The following PPP1R21 variants were observed in gnomAD, a reference collection of about 807,000 sequenced individuals.
The protein encoded by PPP1R21 is protein phosphatase 1 regulatory subunit 21, also known as KLRAQ motif containing 1.
Under a neutral mutation model 112.8 loss-of-function variants are expected in PPP1R21, and 85 were observed. The observed-to-expected ratio is 0.75, with a 90% CI of 0.63 to 0.90. The LOEUF is 0.90. Ranked by LOEUF, PPP1R21 falls within the 40% of genes least tolerant of loss-of-function variation. The pLI is 0.00. For missense variants in PPP1R21, 1,199 were observed against 901.5 expected, an observed-to-expected ratio of 1.33 and a Z score of -4.23; for synonymous variants, 381 against 322.3, an observed-to-expected ratio of 1.18 and a Z score of -1.95.
At chr2:48,465,130 T>G (rs1451452853) in intron 8 of PPP1R21, 141 bp downstream of exon 8, 1 of 708,360 alleles carries the variant, frequency 1.4e-6, no homozygotes, top group Non-Finnish European at 2.3e-6. Flanking sequence ...TCTCATACAT[T>G]TATTCAAATG....
At chr2:48,506,522 TATAG>T (rs1238374274) in intron 18 of PPP1R21, among the ~76,000 whole-genome samples, 1 of 152,248 alleles carries the variant, frequency 6.6e-6, no homozygotes, top group African/African-American at 2.4e-5. Context: ...ATTCTTGTAA[TATAG>T]ATAATCATGA....
intron 12 of PPP1R21, among the ~76,000 whole-genome samples, chr2:48,478,753 A>G (rs80264308): frequency 0.092 from 13,999 of 152,254 alleles, 719 homozygotes; most frequent in Non-Finnish European, 0.11. Context: ...GGCAGCCCAC[A>G]GTTTAACTTA....
chr2:48,481,763 A>T (rs897411229), intron 13 of PPP1R21, among the ~76,000 whole-genome samples: 1 of 152,210 alleles, frequency 6.6e-6, no homozygotes, highest in African/African-American at 2.4e-5. Context: ...ATGCTAATAC[A>T]GGTTGAGCAT....
At chr2:48,463,997 C>T (rs1668094945) in intron 7 of PPP1R21, among the ~76,000 whole-genome samples, 1 of 152,152 alleles carries the variant, frequency 6.6e-6, no homozygotes, top group East Asian at 1.9e-4. Context: ...AGGCACACGG[C>T]AATGAAATTG....
intron 17 of PPP1R21, among the ~76,000 whole-genome samples, chr2:48,504,265 C>T (rs1670269075): frequency 6.6e-6 from 1 of 152,158 alleles, no homozygotes; most frequent in Non-Finnish European, 1.5e-5. Flanking sequence ...GCCAGGTGGG[C>T]ATAACATTCA....
chr2:48,484,607 CTT>C, intron 13 of PPP1R21, among the ~76,000 whole-genome samples: 1 of 149,780 alleles, frequency 6.7e-6, no homozygotes, highest in Non-Finnish European at 1.5e-5. Flanking sequence ...ACCTCCCACT[CTT>C]GGGTTTAAGC....
chr2:48,445,842 A>G (rs1667222716), intron 1 of PPP1R21, among the ~76,000 whole-genome samples: 2 of 152,234 alleles, frequency 1.3e-5, no homozygotes, highest in African/African-American at 4.8e-5. Flanking sequence ...CTGGGATAGC[A>G]ACAAGTAAGT....
chr2:48,480,263 A>G (rs1453578470), intron 13 of PPP1R21, among the ~76,000 whole-genome samples: 1 of 152,226 alleles, frequency 6.6e-6, no homozygotes, highest in Non-Finnish European at 1.5e-5. Context: ...TTAGCCAGAA[A>G]TACGTTACAC....
At position 48,509,844 on chromosome 2, in the gene PPP1R21, T is replaced by C. The variant is rs7589049; in HGVS notation, c.2086-171T>C. On this transcript the variant is annotated intron_variant, in intron 19 of 21. Transcript: ENST00000294952. ...AATGACAAAGCTGGGGGCCACTTCTTTCTTAGGTGTACTCTGATGTGTGAC... is the reference window on the plus strand; with the variant it reads ...AATGACAAAGCTGGGGGCCACTTCTCTCTTAGGTGTACTCTGATGTGTGAC... 1.4e-3 allele frequency among the ~76,000 whole-genome samples: 218 copies of C among 152,368 alleles called. 5 individuals are homozygous for C. Among genetic ancestry groups the C allele is most frequent in the African/African-American group, 4.8e-3 (201 of 41,594 alleles).
At chr2:48,476,784 CAGTT>C (rs1668774033) in intron 12 of PPP1R21, among the ~76,000 whole-genome samples, 1 of 152,058 alleles carries the variant, frequency 6.6e-6, no homozygotes, top group African/African-American at 2.4e-5. Context: ...CTCCATTTTT[CAGTT>C]AGGTTGTCTG....
In PPP1R21 at chr2:48,514,753, T is replaced by C. The variant is rs199740179; in HGVS notation, c.*9T>C. 3 of 1,612,828 alleles carry C rather than the reference T, an allele frequency of 1.9e-6. No homozygotes were observed. The highest frequency in any genetic ancestry group is 1.3e-5 in the African/African-American group (1 of 75,032). On this transcript the variant is annotated 3_prime_UTR_variant, in exon 22 of 22. Transcript: ENST00000294952. ...AGAACAAGAGTCGATAGTTTTGAAA[T>C]AGCTGGTTGGCGACTGTTCTTTCCA...
intron 7 of PPP1R21, among the ~76,000 whole-genome samples, chr2:48,463,345 T>C (rs1049838029): frequency 1.3e-5 from 2 of 152,248 alleles, no homozygotes; most frequent in South Asian, 2.1e-4. Flanking sequence ...TGCGCATTGC[T>C]GTGGAGAGGT....
At position 48,451,063 on chromosome 2, in the gene PPP1R21, C is replaced by G; in HGVS notation, c.113C>G (p.Ser38Cys). 1.2e-6 allele frequency: 2 copies of G among 1,613,440 alleles called. No individual in the cohort carries two copies. The highest frequency in any genetic ancestry group is 1.7e-6 in the Non-Finnish European group (2 of 1,179,466). The stretch of plus-strand genomic sequence containing the variant: ...GGTGTTGTGGATGAACAAGCAAATT[C>G]TGCAGCTTTAAAGGTGGGCAACAGG... ...KKGVVDEQAN[S>C]AALKEQLKMK... The change falls in exon 2 of 22, where the codon TCT becomes TGT. Residue 38 changes from serine to cysteine, a missense_variant. By Grantham distance (112) the Ser-to-Cys change is moderately radical. Coordinates refer to ENST00000294952, the MANE Select transcript of PPP1R21 (RefSeq NM_001135629.3).
intron 2 of PPP1R21, among the ~76,000 whole-genome samples, chr2:48,451,863 C>T (rs1014942312): frequency 2.6e-5 from 4 of 152,168 alleles, no homozygotes; most frequent in African/African-American, 7.2e-5. Context: ...AGTAATATGT[C>T]TGAGGTGGCT....
intron 9 of PPP1R21, among the ~76,000 whole-genome samples, chr2:48,468,825 A>ATGTGTGTGTGTG (rs757951323): frequency 4.6e-5 from 2 of 43,906 alleles, no homozygotes; most frequent in Non-Finnish European, 5.0e-5. Flanking sequence ...AAGAAAAAAA[A>ATGTGTGTGTGTG]TGTATGTGTG....
chr2:48,498,069 A>G (rs528650171), intron 16 of PPP1R21, among the ~76,000 whole-genome samples: 165 of 152,002 alleles, frequency 1.1e-3, no homozygotes, highest in African/African-American at 3.6e-3. Context: ...GTGGCATTGC[A>G]TACCTTTTAA....
intron 1 of PPP1R21, among the ~76,000 whole-genome samples, chr2:48,444,039 A>AG (rs1000359293): frequency 2.0e-5 from 3 of 151,772 alleles, no homozygotes; most frequent in African/African-American, 7.3e-5. Context: ...TTGAAAAGGA[A>AG]GAAAAAAAAA....
chr2:48,469,373 TATATAGC>T, intron 9 of PPP1R21, among the ~76,000 whole-genome samples: 1 of 55,928 alleles, frequency 1.8e-5, no homozygotes, highest in South Asian at 5.2e-4. Context: ...AGCATATATA[TATATAGC>T]ATATATATAT....
intron 17 of PPP1R21, among the ~76,000 whole-genome samples, chr2:48,499,678 C>G (rs978326713): frequency 6.6e-6 from 1 of 152,226 alleles, no homozygotes; most frequent in African/African-American, 2.4e-5. Context: ...TATACACATA[C>G]TGTAGAAACC....
Sources: gnomAD v4.1 joint callset for allele counts (sites outside exome capture counted in the v4.1 genomes callset) on GRCh38, gnomAD v4.1.1 for gene constraint, MANE v1.5 for transcripts, NCBI Gene and HGNC (gene_info 2026-07-23, HGNC 2026-07-21) for gene names.